Variants in CHRM2 observed in about 807,000 individuals in gnomAD.
CHRM2 encodes muscarinic acetylcholine receptor M2.
A neutral mutation model predicts 25.0 loss-of-function variants in CHRM2; 8 were observed. The ratio of observed to expected loss-of-function variants is 0.32; its 90% CI spans 0.19 to 0.58. The LOEUF (loss-of-function observed/expected upper bound fraction) is 0.58, where lower values mean the gene tolerates loss of function less well. CHRM2 is among the 20% of genes least tolerant of loss of function. The pLI is 0.88. For synonymous variants in CHRM2, 202 were observed against 205.7 expected, an observed-to-expected ratio of 0.98 and a Z score of 0.15; for missense variants, 440 against 567.1, an observed-to-expected ratio of 0.78 and a Z score of 2.28.
At chr7:137,006,317 T>A (rs1804422760) in intron 3 of CHRM2, among the ~76,000 whole-genome samples, 1 of 152,114 alleles carries the variant, frequency 6.6e-6, no homozygotes, top group East Asian at 1.9e-4. Flanking sequence ...GCCATGGATG[T>A]AGTGACAAGG....
intron 2 of CHRM2, among the ~76,000 whole-genome samples, chr7:136,978,010 A>G (rs1404738882): frequency 6.7e-6 from 1 of 148,232 alleles, no homozygotes; most frequent in Non-Finnish European, 1.5e-5. Flanking sequence ...CCCTTTACCC[A>G]TTACTTATTT....
intron 2 of CHRM2, among the ~76,000 whole-genome samples, chr7:136,949,124 C>G (rs1584806805): frequency 6.6e-6 from 1 of 152,148 alleles, no homozygotes; most frequent in Non-Finnish European, 1.5e-5. Flanking sequence ...TTCTTAGTGG[C>G]TCATTGCAAA....
intron 2 of CHRM2, among the ~76,000 whole-genome samples, chr7:136,877,993 A>T (rs981840234): frequency 6.6e-6 from 1 of 152,020 alleles, no homozygotes; most frequent in Non-Finnish European, 1.5e-5. Flanking sequence ...ATAAGCACAG[A>T]ATAATTTGAT....
chr7:137,016,679 C>T lies in CHRM2; in HGVS notation c.*413C>T, dbSNP rs531990435. 6.3e-4 allele frequency: 129 copies of T among 204,482 alleles called. No homozygotes were observed. Among genetic ancestry groups the T allele is most frequent in the African/African-American group, 2.9e-3 (122 of 42,110 alleles). 12.7% of individuals were successfully genotyped at this position (204,482 alleles called of 1,614,324 possible). A position where few individuals can be genotyped will look rare whatever the true frequency, so the allele number is the denominator to read the frequency against. ...GGAAATGCCACAGTTACAAGGTAAA[C>T]ATGGAGACTTAAACATAAAGAAATA... On this transcript the variant is annotated 3_prime_UTR_variant, in exon 4 of 4. Transcript: ENST00000680005.
intron 2 of CHRM2, among the ~76,000 whole-genome samples, chr7:136,912,574 C>G (rs1266843469): frequency 6.6e-6 from 1 of 151,770 alleles, no homozygotes; most frequent in Non-Finnish European, 1.5e-5. Flanking sequence ...ATGTAAAAGG[C>G]CTCCTCTTTC....
At chr7:137,000,547 A>AGAAG (rs780148176) in intron 3 of CHRM2, among the ~76,000 whole-genome samples, 17,327 of 95,116 alleles carry the variant, frequency 0.18, 1,903 homozygotes, top group Non-Finnish European at 0.22. Context: ...AAAGAAAGAA[A>AGAAG]GAAGGAAGGA....
rs184154097 is a variant in CHRM2, at chr7:136,874,617, A to T, written c.-125+5199A>T. 1.5e-4 allele frequency among the ~76,000 whole-genome samples: 18 copies of T among 123,444 alleles called. No individual in the cohort carries two copies. In the East Asian group the frequency reaches 5.0e-3, roughly 34 times the overall value. The allele number at this position is 123,444 out of a possible 152,430, so 81.0% of individuals were successfully genotyped here. On this transcript the variant is annotated intron_variant, in intron 2 of 3. Transcript: ENST00000680005. ...CCCAAATCCAAGCTTTCACTGAATG[A>T]TGCCCTCTGGTGTTCAATAACTGGA...
chr7:136,939,683 G>C (rs1799649993), intron 2 of CHRM2, among the ~76,000 whole-genome samples: 1 of 152,142 alleles, frequency 6.6e-6, no homozygotes, highest in Admixed American at 6.5e-5. Context: ...TGTTTTTCAA[G>C]TGAAGAGACA....
At chr7:137,004,951 A>G (rs1439749560) in intron 3 of CHRM2, among the ~76,000 whole-genome samples, 2 of 152,126 alleles carry the variant, frequency 1.3e-5, no homozygotes, top group Non-Finnish European at 2.9e-5. Context: ...TGGAAACAAT[A>G]AAAATAGTTG....
At chr7:136,961,640 G>C (rs557162930) in intron 2 of CHRM2, among the ~76,000 whole-genome samples, 4 of 152,000 alleles carry the variant, frequency 2.6e-5, no homozygotes, top group Admixed American at 2.0e-4. Flanking sequence ...TGTTGGTGTA[G>C]ATATTTATTT....
chr7:136,887,337 A>AG lies in CHRM2; in HGVS notation c.-125+17919_-125+17920insG, dbSNP rs1554409899. Among the ~76,000 whole-genome samples the AG allele has an allele frequency of 1.1e-3, 11 of 9,966 alleles. No individual in the cohort carries two copies. In the African/African-American group the frequency reaches 0.022, roughly 20 times the overall value. The allele number at this position is 9,966 out of a possible 152,430, so 6.5% of individuals were successfully genotyped here. A position where few individuals can be genotyped will look rare whatever the true frequency, so the allele number is the denominator to read the frequency against. The stretch of plus-strand genomic sequence containing the variant: ...ATCCATCACCTTATTCGCTTTTCAC[A>AG]AAAAAAAAATCCCACAGGATAGTAA... On this transcript the variant is annotated intron_variant, in intron 2 of 3. Transcript: ENST00000680005.
At chr7:137,013,470 A>C (rs530982949) in intron 3 of CHRM2, among the ~76,000 whole-genome samples, 2 of 152,070 alleles carry the variant, frequency 1.3e-5, no homozygotes, top group Admixed American at 1.3e-4. Flanking sequence ...AATATTCCCA[A>C]ATTTTAATTT....
At position 136,993,222 on chromosome 7, in the gene CHRM2, GAA is replaced by G. The variant is rs557491628; in HGVS notation, c.-47+960_-47+961del. Among the ~76,000 whole-genome samples, 426 of 152,238 alleles carry G rather than the reference GAA, an allele frequency of 2.8e-3. 2 individuals are homozygous for G. The highest frequency in any genetic ancestry group is 9.6e-3 in the African/African-American group (399 of 41,560). The stretch of plus-strand genomic sequence containing the variant: ...ACATACAGTGAGAGAGAGGGAGAGA[GAA>G]AGAGAGGAAGAGAGCACAGATATAA... On this transcript the variant is annotated intron_variant, in intron 3 of 3. Coordinates refer to ENST00000680005, the MANE Select transcript of CHRM2 (RefSeq NM_001006630.2).
intron 3 of CHRM2, among the ~76,000 whole-genome samples, chr7:137,003,952 C>T (rs1255209565): frequency 1.3e-5 from 2 of 152,110 alleles, no homozygotes; most frequent in Non-Finnish European, 2.9e-5. Context: ...GCCTTTGCTT[C>T]CCCTTCTGCC....
At chr7:136,902,739 C>T in intron 2 of CHRM2, 1 of 185,546 alleles carries the variant, frequency 5.4e-6, no homozygotes, top group Non-Finnish European at 1.1e-5. Context: ...ATCCTTTCTC[C>T]ACCATACAAT....
intron 2 of CHRM2, among the ~76,000 whole-genome samples, chr7:136,937,736 C>T (rs1251602910): frequency 6.6e-6 from 1 of 152,110 alleles, no homozygotes; most frequent in African/African-American, 2.4e-5. Context: ...TTGTGATTGA[C>T]ATAAATATAT....
intron 2 of CHRM2, among the ~76,000 whole-genome samples, chr7:136,890,781 T>C (rs1474969256): frequency 6.6e-6 from 1 of 152,174 alleles, no homozygotes; most frequent in Non-Finnish European, 1.5e-5. Context: ...GTCCAAGTGT[T>C]TGTGTATGTG....
intron 3 of CHRM2, among the ~76,000 whole-genome samples, chr7:137,003,969 G>A (rs1398009157): frequency 2.0e-5 from 3 of 152,094 alleles, no homozygotes; most frequent in Admixed American, 2.0e-4. Flanking sequence ...TGCCATGCTT[G>A]TAAGTTTCCT....
chr7:136,904,870 T>A (rs1430904971), intron 2 of CHRM2, among the ~76,000 whole-genome samples: 1 of 151,924 alleles, frequency 6.6e-6, no homozygotes, highest in Non-Finnish European at 1.5e-5. Flanking sequence ...TAGGTTTGAA[T>A]TCTGACAGTT....
Sources: gnomAD v4.1 joint callset for allele counts (sites outside exome capture counted in the v4.1 genomes callset) on GRCh38, gnomAD v4.1.1 for gene constraint, MANE v1.5 for transcripts, NCBI Gene and HGNC (gene_info 2026-07-23, HGNC 2026-07-21) for gene names.